FOXP1: variants seen among roughly 807,000 people sequenced by gnomAD.
FOXP1 encodes the protein forkhead box protein P1.
FOXP1 carries 15 observed loss-of-function variants against 98.2 expected under a neutral mutation model. The observed-to-expected ratio is 0.15, with a 90% CI of 0.10 to 0.24. The LOEUF (loss-of-function observed/expected upper bound fraction) is 0.24. Ranked by LOEUF, FOXP1 falls within the 10% of genes least tolerant of loss-of-function variation. The pLI, the probability that FOXP1 is intolerant of heterozygous loss-of-function variation, is 1.00. For missense variants in FOXP1, 633 were observed against 848.5 expected (o/e 0.75, Z 3.15); for synonymous variants, 371 against 314.5 (o/e 1.18, Z -1.90).
At chr3:71,305,121 T>C (rs2074167964) in intron 4 of FOXP1, among the ~76,000 whole-genome samples, 1 of 152,204 alleles carries the variant, frequency 6.6e-6, no homozygotes, top group Non-Finnish European at 1.5e-5. Context: ...AGTCTGTTTT[T>C]AAAAATTCAC....
chr3:71,406,405 G>GTATGTGTATATATATATA (rs2082336447), intron 3 of FOXP1, among the ~76,000 whole-genome samples: 1 of 105,948 alleles, frequency 9.4e-6, no homozygotes, highest in Non-Finnish European at 2.2e-5. Flanking sequence ...AACTGTATGT[G>GTATGTGTATATATATATA]TATATATATA....
intron 3 of FOXP1, among the ~76,000 whole-genome samples, chr3:71,436,741 C>T (rs569847576): frequency 1.4e-4 from 22 of 152,030 alleles, no homozygotes; most frequent in African/African-American, 5.3e-4. Flanking sequence ...GAGAATACAC[C>T]AAAATACCTG....
At chr3:71,144,499 C>G (rs1474283630) in intron 6 of FOXP1, among the ~76,000 whole-genome samples, 2 of 152,154 alleles carry the variant, frequency 1.3e-5, no homozygotes, top group Non-Finnish European at 2.9e-5. Flanking sequence ...GCATCTCATT[C>G]GGCAGGTAAG....
rs1559651062 is a variant in FOXP1, at chr3:70,988,089, A to G, written c.1063-12T>C. The G allele has an allele frequency of 6.2e-7, 1 of 1,613,110 alleles. No homozygotes were observed. The highest frequency in any genetic ancestry group is 8.5e-7 in the Non-Finnish European group (1 of 1,179,158). On this transcript the variant is annotated splice_polypyrimidine_tract_variant and intron_variant, in intron 13 of 20. Transcript: ENST00000649528. ...TTGTCTTTTGCAAGCTGGCAAGAAG[A>G]AAATGCTTTGTTATTTCTCTGAATA...
chr3:71,378,005 G>A (rs983672171), intron 3 of FOXP1, among the ~76,000 whole-genome samples: 1 of 143,330 alleles, frequency 7.0e-6, no homozygotes, highest in South Asian at 2.2e-4. Context: ...CCTGTTTTTT[G>A]TTTTTTGTTT....
chr3:71,350,493 C>T (rs1237745495), intron 4 of FOXP1, among the ~76,000 whole-genome samples: 1 of 152,092 alleles, frequency 6.6e-6, no homozygotes, highest in African/African-American at 2.4e-5. Flanking sequence ...AAGCATCTTG[C>T]CTTAGGACGA....
intron 4 of FOXP1, among the ~76,000 whole-genome samples, chr3:71,321,772 C>T (rs914218590): frequency 6.6e-6 from 1 of 152,024 alleles, no homozygotes; most frequent in African/African-American, 2.4e-5. Context: ...CAAGTGTGCA[C>T]CACCACACCT....
At chr3:71,000,452 A>G (rs554116217) in intron 13 of FOXP1, among the ~76,000 whole-genome samples, 35 of 152,190 alleles carry the variant, frequency 2.3e-4, no homozygotes, top group African/African-American at 8.4e-4. Context: ...TATAACTTCC[A>G]TTGCGACTTG....
intron 5 of FOXP1, among the ~76,000 whole-genome samples, chr3:71,226,094 T>A (rs2065813720): frequency 6.6e-6 from 1 of 152,208 alleles, no homozygotes; most frequent in Non-Finnish European, 1.5e-5. Flanking sequence ...CTACTTCTAT[T>A]TTTACAGTCA....
chr3:71,297,806 G>GGTTTTCACCA (rs1553826783), intron 5 of FOXP1, among the ~76,000 whole-genome samples: 1 of 150,992 alleles, frequency 6.6e-6, no homozygotes, highest in Non-Finnish European at 1.5e-5. Context: ...AGTAGAGACG[G>GGTTTTCACCA]GGTTTCACCA....
intron 2 of FOXP1, among the ~76,000 whole-genome samples, chr3:71,551,142 G>C (rs2045746809): frequency 6.6e-6 from 1 of 152,112 alleles, no homozygotes. Context: ...TGTTGAGTTT[G>C]GTGTTCGTGT....
At chr3:70,982,623 A>G (rs1318834338) in intron 14 of FOXP1, among the ~76,000 whole-genome samples, 20 of 151,674 alleles carry the variant, frequency 1.3e-4, no homozygotes, top group Admixed American at 1.3e-3. Flanking sequence ...TTGTACTCTC[A>G]GGCATCAGCT....
At chr3:71,072,930 T>C (rs941943096) in intron 7 of FOXP1, among the ~76,000 whole-genome samples, 2 of 152,220 alleles carry the variant, frequency 1.3e-5, no homozygotes, top group Admixed American at 1.3e-4. Flanking sequence ...ATCAGACCCC[T>C]TTTGTATTAA....
rs530895183 is a variant in FOXP1, at chr3:71,573,278, G to C, written c.-298+8271C>G. On this transcript the variant is annotated intron_variant, in intron 2 of 20. Transcript: ENST00000649528. ...GAAAAATATGCAAGAAGCATACTTT[G>C]TGTGTGATTTCAGGACAAAAAGGTA... Among the ~76,000 whole-genome samples the C allele has an allele frequency of 7.2e-5, 11 of 152,276 alleles. No homozygotes were observed. In the East Asian group the frequency reaches 2.1e-3, roughly 29 times the overall value.
chr3:71,073,850 G>A (rs1057230895), intron 7 of FOXP1, among the ~76,000 whole-genome samples: 1 of 152,116 alleles, frequency 6.6e-6, no homozygotes, highest in Non-Finnish European at 1.5e-5. Context: ...GTGTCCTCCA[G>A]GGCTCAGTCT....
chr3:71,070,972 T>C (rs951150360), intron 7 of FOXP1, among the ~76,000 whole-genome samples: 1 of 152,182 alleles, frequency 6.6e-6, no homozygotes, highest in Non-Finnish European at 1.5e-5. Context: ...GGCACAGGGC[T>C]GTGGAATCCC....
At chr3:71,568,868 A>T (rs997529652) in intron 2 of FOXP1, among the ~76,000 whole-genome samples, 1 of 152,034 alleles carries the variant, frequency 6.6e-6, no homozygotes, top group Non-Finnish European at 1.5e-5. Context: ...GCTGATCTTG[A>T]ACTCCTGACC....
intron 2 of FOXP1, among the ~76,000 whole-genome samples, chr3:71,523,406 G>A (rs1020669565): frequency 6.6e-6 from 1 of 152,276 alleles, no homozygotes; most frequent in African/African-American, 2.4e-5. Context: ...TGCTGAAGTT[G>A]TAATAAACAG....
intron 3 of FOXP1, among the ~76,000 whole-genome samples, chr3:71,453,217 A>G (rs2087131429): frequency 6.6e-6 from 1 of 152,196 alleles, no homozygotes; most frequent in Non-Finnish European, 1.5e-5. Context: ...TTTCCTAAGA[A>G]AATGAAATAC....
Sources: gnomAD v4.1 joint callset for allele counts (sites outside exome capture counted in the v4.1 genomes callset) on GRCh38, gnomAD v4.1.1 for gene constraint, MANE v1.5 for transcripts, NCBI Gene and HGNC (gene_info 2026-07-23, HGNC 2026-07-21) for gene names.